Variants in ZDHHC15 observed in about 807,000 individuals in gnomAD.
ZDHHC15 encodes the protein palmitoyltransferase ZDHHC15.
ZDHHC15 carries 19 observed loss-of-function variants against 31.7 expected under a neutral mutation model. That is an observed-to-expected ratio of 0.60 (90% confidence interval 0.42 to 0.88). The LOEUF (loss-of-function observed/expected upper bound fraction) is 0.88, where lower values mean the gene tolerates loss of function less well. Ranked by LOEUF, ZDHHC15 falls within the 40% of genes least tolerant of loss-of-function variation. The probability of loss-of-function intolerance (pLI) is 0.00; values close to 1 mark genes in which losing one functional copy is unlikely to be tolerated. For missense variants in ZDHHC15, 209 were observed against 251.2 expected (o/e 0.83, Z 1.14); for synonymous variants, 103 against 90.0 (o/e 1.14, Z -0.82).
intron 11 of ZDHHC15, among the ~76,000 whole-genome samples, chrX:75,376,446 TTTTGGG>T (rs1166557406): frequency 9.0e-6 from 1 of 111,679 alleles, no homozygotes; most frequent in Non-Finnish European, 1.9e-5. Flanking sequence ...TTGCAATTGC[TTTTGGG>T]GACTTGGCCA....
chrX:75,442,759 G>T (rs2083961777), intron 4 of ZDHHC15, among the ~76,000 whole-genome samples: 1 of 110,215 alleles, frequency 9.1e-6, no homozygotes, highest in African/African-American at 3.3e-5. Context: ...GGCCGAGGCG[G>T]GTGGATCATG....
At position 75,369,003 on chromosome X, in the gene ZDHHC15, G is replaced by T. The variant is rs1190013350; in HGVS notation, c.*3975C>A. On this transcript the variant is annotated 3_prime_UTR_variant, in exon 12 of 12. Coordinates refer to ENST00000373367, the MANE Select transcript of ZDHHC15 (RefSeq NM_144969.3). ...ATGGTACATTACAGCTATGGTTAAA[G>T]AAATGCAGATGTACCATACCTCATC... is the stretch of plus-strand genomic sequence containing the variant. The T allele has an allele frequency of 2.7e-5, 3 of 111,714 alleles. No individual in the cohort carries two copies. Among genetic ancestry groups the T allele is most frequent in the African/African-American group, 9.8e-5 (3 of 30,744 alleles). The allele number at this position is 111,714 out of a possible 1,213,427, so 9.2% of individuals were successfully genotyped here. A position where few individuals can be genotyped will look rare whatever the true frequency, so the allele number is the denominator to read the frequency against.
rs1002991073 is a variant in ZDHHC15, at chrX:75,384,481, G to T, written c.968-5283C>A. The T allele has an allele frequency of 2.7e-5, 20 of 734,380 alleles. 2 individuals carry two copies. The South Asian group carries it at 4.0e-4, about 15-fold the overall frequency. The allele number at this position is 734,380 out of a possible 1,213,427, so 60.5% of individuals were successfully genotyped here. On this transcript the variant is annotated intron_variant, in intron 10 of 11. Transcript: ENST00000373367. The stretch of plus-strand genomic sequence containing the variant: ...TGATATTGTAGACATCAAGGGAATG[G>T]GTACTGTTCAAAAAGGAATGCCCCA...
intron 4 of ZDHHC15, among the ~76,000 whole-genome samples, chrX:75,445,617 A>C (rs1258277607): frequency 2.7e-5 from 3 of 111,653 alleles, no homozygotes; most frequent in African/African-American, 9.8e-5. Context: ...TAGCCACAGG[A>C]CTGAGATTTC....
chrX:75,430,075 T>C (rs2083761665), intron 5 of ZDHHC15, 95 bp from the exon 6 acceptor site: 2 of 961,292 alleles, frequency 2.1e-6, no homozygotes, highest in Admixed American at 2.4e-5. Context: ...TATTTTTACA[T>C]GGTTCTAATA....
At chrX:75,487,533 G>A (rs1336140406) in intron 2 of ZDHHC15, among the ~76,000 whole-genome samples, 2 of 112,090 alleles carry the variant, frequency 1.8e-5, no homozygotes, top group Admixed American at 9.5e-5. Context: ...CTGAAGATCA[G>A]CCCTTGAGTT....
intron 3 of ZDHHC15, among the ~76,000 whole-genome samples, chrX:75,477,283 T>C (rs1316530356): frequency 1.8e-5 from 2 of 111,558 alleles, no homozygotes; most frequent in East Asian, 5.6e-4. Flanking sequence ...TAATATATGG[T>C]CTATACTGGA....
intron 3 of ZDHHC15, among the ~76,000 whole-genome samples, chrX:75,453,183 C>A (rs1416869353): frequency 1.8e-5 from 2 of 111,058 alleles, no homozygotes; most frequent in African/African-American, 6.5e-5. Flanking sequence ...ATCAAATAGA[C>A]ACAATAAAAA....
At chrX:75,382,097 C>A (rs1282789973) in intron 10 of ZDHHC15, among the ~76,000 whole-genome samples, 3 of 112,060 alleles carry the variant, frequency 2.7e-5, no homozygotes, top group Non-Finnish European at 5.6e-5. Context: ...ATTAGTAGCA[C>A]CATTTTTATG....
At chrX:75,418,318 C>T (rs1050112852) in intron 9 of ZDHHC15, among the ~76,000 whole-genome samples, 3 of 111,351 alleles carry the variant, frequency 2.7e-5, no homozygotes, top group Admixed American at 1.9e-4. Context: ...TAATTACCAC[C>T]CTACCCCCAA....
intron 10 of ZDHHC15, among the ~76,000 whole-genome samples, chrX:75,396,554 T>C (rs1161817005): frequency 8.9e-6 from 1 of 112,149 alleles, no homozygotes; most frequent in Non-Finnish European, 1.9e-5. Flanking sequence ...GTATGTTTTA[T>C]TAAAACTACT....
chrX:75,437,936 AAAAC>A (rs2083886146), intron 4 of ZDHHC15, among the ~76,000 whole-genome samples: 1 of 111,008 alleles, frequency 9.0e-6, no homozygotes, highest in Non-Finnish European at 1.9e-5. Flanking sequence ...TTACAAGAAA[AAAAC>A]AAACAACCCC....
intron 4 of ZDHHC15, among the ~76,000 whole-genome samples, chrX:75,435,006 T>G (rs1473105765): frequency 8.9e-6 from 1 of 112,108 alleles, no homozygotes; most frequent in Non-Finnish European, 1.9e-5. Context: ...TTGTCTATGA[T>G]TTCTTTCAGC....
chrX:75,419,632 A>G (rs1383754461), intron 9 of ZDHHC15, among the ~76,000 whole-genome samples: 1 of 110,775 alleles, frequency 9.0e-6, no homozygotes, highest in East Asian at 2.9e-4. Flanking sequence ...ACATGCTGCT[A>G]TAAAGACACA....
intron 1 of ZDHHC15, among the ~76,000 whole-genome samples, chrX:75,520,623 T>A (rs1016319392): frequency 1.8e-5 from 2 of 111,050 alleles, no homozygotes; most frequent in African/African-American, 6.5e-5. Flanking sequence ...CATACCATAA[T>A]AATGGTGCTG....
intron 3 of ZDHHC15, among the ~76,000 whole-genome samples, chrX:75,467,101 AG>A (rs934964909): frequency 6.2e-5 from 7 of 112,799 alleles, no homozygotes; most frequent in African/African-American, 2.3e-4. Context: ...ATTATAAAAC[AG>A]TAGCTAAATG....
chrX:75,400,003 A>G (rs188310443), intron 10 of ZDHHC15, among the ~76,000 whole-genome samples: 2 of 111,997 alleles, frequency 1.8e-5, no homozygotes, highest in Admixed American at 9.5e-5. Flanking sequence ...GCAGTTAAAG[A>G]AACACCCACA....
At chrX:75,438,274 G>A (rs1467167956) in intron 4 of ZDHHC15, among the ~76,000 whole-genome samples, 1 of 111,523 alleles carries the variant, frequency 9.0e-6, no homozygotes, top group East Asian at 2.8e-4. Flanking sequence ...GAAGTCCCCC[G>A]CTATTATTGT....
At chrX:75,518,802 TATATACACACAC>T (rs1232499179) in intron 1 of ZDHHC15, among the ~76,000 whole-genome samples, 53 of 23,654 alleles carry the variant, frequency 2.2e-3, no homozygotes, top group South Asian at 7.0e-3. Flanking sequence ...TATATATATA[TATATACACACAC>T]ACACACACAC....
Sources: gnomAD v4.1 joint callset for allele counts (sites outside exome capture counted in the v4.1 genomes callset) on GRCh38, gnomAD v4.1.1 for gene constraint, MANE v1.5 for transcripts, NCBI Gene and HGNC (gene_info 2026-07-23, HGNC 2026-07-21) for gene names.